Variants in BABAM2 observed in about 807,000 individuals in gnomAD.
BABAM2 encodes BRISC and BRCA1-A complex member 2.
A neutral mutation model predicts 54.7 loss-of-function variants in BABAM2; 31 were observed. The ratio of observed to expected loss-of-function variants is 0.57; its 90% CI spans 0.43 to 0.77. BABAM2 has a LOEUF of 0.77. BABAM2 is among the 30% of genes least tolerant of loss of function. BABAM2 has a pLI of 0.00. For synonymous variants in BABAM2, 167 were observed against 162.9 expected (o/e 1.03, Z -0.19); for missense variants, 364 against 455.8 (o/e 0.80, Z 1.83).
chr2:28,256,986 C>T (rs186350449), intron 10 of BABAM2, among the ~76,000 whole-genome samples: 124 of 152,216 alleles, frequency 8.1e-4, no homozygotes, highest in Middle Eastern at 3.4e-3. Context: ...TGAGACACCA[C>T]GCCCGGCCTG....
intron 3 of BABAM2, among the ~76,000 whole-genome samples, chr2:27,957,772 T>G (rs1299180876): frequency 6.6e-6 from 1 of 152,152 alleles, no homozygotes; most frequent in Non-Finnish European, 1.5e-5. Flanking sequence ...TGAATCTGGG[T>G]GGGCTTGTGA....
At chr2:28,336,792 G>T (rs1186604966) in intron 11 of BABAM2, among the ~76,000 whole-genome samples, 1 of 152,266 alleles carries the variant, frequency 6.6e-6, no homozygotes, top group African/African-American at 2.4e-5. Flanking sequence ...CTGCTCCAGA[G>T]ACAACTCCAG....
At chr2:28,294,169 A>G (rs1424980070) in intron 10 of BABAM2, among the ~76,000 whole-genome samples, 1 of 152,160 alleles carries the variant, frequency 6.6e-6, no homozygotes, top group Non-Finnish European at 1.5e-5. Context: ...TCACAAGGTC[A>G]GGAGTTCAAG....
intron 7 of BABAM2, among the ~76,000 whole-genome samples, chr2:28,159,289 C>T (rs184654528): frequency 1.4e-4 from 21 of 152,196 alleles, no homozygotes; most frequent in Admixed American, 7.8e-4. Context: ...CTGGCAGAGT[C>T]AGGCACAGAA....
At chr2:28,065,603 C>A (rs756713856) in intron 6 of BABAM2, among the ~76,000 whole-genome samples, 1 of 152,156 alleles carries the variant, frequency 6.6e-6, no homozygotes. Context: ...TGTAGTAATT[C>A]GCTAAGCTAT....
In BABAM2 at chr2:28,100,303, A is replaced by G. The variant is rs183121063; in HGVS notation, c.571-28968A>G. ...GTAAAACCCCATCTCTATCAAAAAC[A>G]TAAAAAATTAACCGGGTGTGGTGGC... On this transcript the variant is annotated intron_variant, in intron 6 of 11. Transcript: ENST00000379624. 3.3e-5 allele frequency among the ~76,000 whole-genome samples: 5 copies of G among 151,986 alleles called. No individual in the cohort carries two copies. In the South Asian group the frequency reaches 8.3e-4, roughly 25 times the overall value.
Position 28,338,585 on chromosome 2 carries a change from C to T in BABAM2, c.*72C>T. The stretch of plus-strand genomic sequence containing the variant: ...GCGTGTCAGCACATACAGCCGCTTC[C>T]TGGAAGCCGCCTGGAATGTCTTCAC... On this transcript the variant is annotated 3_prime_UTR_variant, in exon 12 of 12. Transcript: ENST00000379624. 6.4e-7 allele frequency: 1 copy of T among 1,551,848 alleles called. No homozygotes were observed. Among genetic ancestry groups the T allele is most frequent in the African/African-American group, 1.4e-5 (1 of 73,656 alleles).
chr2:28,068,435 A>G (rs1014717318), intron 6 of BABAM2, among the ~76,000 whole-genome samples: 3 of 152,136 alleles, frequency 2.0e-5, no homozygotes, highest in Non-Finnish European at 4.4e-5. Flanking sequence ...ACTCTGTGGT[A>G]GATCTGGGAT....
intron 10 of BABAM2, among the ~76,000 whole-genome samples, chr2:28,271,174 G>A (rs2148162647): frequency 6.6e-6 from 1 of 152,346 alleles, no homozygotes; most frequent in East Asian, 1.9e-4. Context: ...GGAGGCAGCT[G>A]CTTCACATAT....
At chr2:28,324,655 C>T (rs1242465621) in intron 11 of BABAM2, among the ~76,000 whole-genome samples, 1 of 151,554 alleles carries the variant, frequency 6.6e-6, no homozygotes, top group Non-Finnish European at 1.5e-5. Flanking sequence ...ATTAGCTGGG[C>T]GTGGTAGTGC....
At chr2:28,164,876 G>A (rs377586854) in intron 7 of BABAM2, among the ~76,000 whole-genome samples, 26 of 152,028 alleles carry the variant, frequency 1.7e-4, no homozygotes, top group Non-Finnish European at 2.4e-4. Flanking sequence ...AGATTTTCCC[G>A]TATGCTTCAG....
chr2:28,126,491 G>T (rs1213037053), intron 6 of BABAM2, among the ~76,000 whole-genome samples: 5 of 145,288 alleles, frequency 3.4e-5, no homozygotes, highest in African/African-American at 1.3e-4. Flanking sequence ...TTTTATGGCT[G>T]CATAGTATTC....
chr2:28,157,310 G>C (rs1672637741), intron 7 of BABAM2, among the ~76,000 whole-genome samples: 1 of 152,192 alleles, frequency 6.6e-6, no homozygotes, highest in Non-Finnish European at 1.5e-5. Context: ...AAAGGACCTT[G>C]ATCCCTAAAC....
At chr2:28,076,172 G>A (rs1405061999) in intron 6 of BABAM2, among the ~76,000 whole-genome samples, 1 of 152,072 alleles carries the variant, frequency 6.6e-6, no homozygotes, top group Non-Finnish European at 1.5e-5. Flanking sequence ...ATACAAGGGG[G>A]CTAAGGTGGG....
At chr2:28,167,374 T>C (rs1016528355) in intron 7 of BABAM2, among the ~76,000 whole-genome samples, 1 of 152,190 alleles carries the variant, frequency 6.6e-6, no homozygotes, top group African/African-American at 2.4e-5. Context: ...TTTCTAAATC[T>C]TTATTAATAA....
chr2:28,166,903 A>G (rs1673737361), intron 7 of BABAM2, among the ~76,000 whole-genome samples: 1 of 152,128 alleles, frequency 6.6e-6, no homozygotes, highest in Non-Finnish European at 1.5e-5. Flanking sequence ...TGAGTTTTAA[A>G]TGCCTACTGG....
intron 5 of BABAM2, among the ~76,000 whole-genome samples, chr2:28,032,840 A>G (rs1474524525): frequency 6.6e-6 from 1 of 152,068 alleles, no homozygotes; most frequent in Non-Finnish European, 1.5e-5. Flanking sequence ...ATAATTATAG[A>G]TATATAGGAA....
chr2:28,290,798 A>G (rs1687225102), intron 10 of BABAM2, among the ~76,000 whole-genome samples: 1 of 152,232 alleles, frequency 6.6e-6, no homozygotes, highest in African/African-American at 2.4e-5. Flanking sequence ...GCCATCGTGT[A>G]TAACTTGTTA....
intron 3 of BABAM2, among the ~76,000 whole-genome samples, chr2:27,971,871 A>C (rs1472051541): frequency 6.6e-6 from 1 of 152,198 alleles, no homozygotes; most frequent in Non-Finnish European, 1.5e-5. Flanking sequence ...TTGATAACAA[A>C]TTGCAGTAAT....
Sources: gnomAD v4.1 joint callset for allele counts (sites outside exome capture counted in the v4.1 genomes callset) on GRCh38, gnomAD v4.1.1 for gene constraint, MANE v1.5 for transcripts, NCBI Gene and HGNC (gene_info 2026-07-23, HGNC 2026-07-21) for gene names.